The following LUZP2 variants were observed in gnomAD, a reference collection of about 807,000 sequenced individuals.
LUZP2 encodes leucine zipper protein 2.
LUZP2 carries 52 observed loss-of-function variants against 51.6 expected under a neutral mutation model. The ratio of observed to expected loss-of-function variants is 1.01; its 90% CI spans 0.81 to 1.27. The LOEUF (loss-of-function observed/expected upper bound fraction) is 1.27. LUZP2 is among the 50% of genes most tolerant of loss of function. LUZP2 has a pLI of 0.00. For synonymous variants in LUZP2, 154 were observed against 137.3 expected, an observed-to-expected ratio of 1.12 and a Z score of -0.85; for missense variants, 436 against 395.4, an observed-to-expected ratio of 1.10 and a Z score of -0.87.
intron 1 of LUZP2, among the ~76,000 whole-genome samples, chr11:24,638,811 G>A (rs541207033): frequency 5.3e-5 from 8 of 151,580 alleles, no homozygotes; most frequent in African/African-American, 1.9e-4. Context: ...TCTCAATATA[G>A]TATTAGGGAT....
chr11:25,033,573 A>G (rs1383701284), intron 9 of LUZP2, among the ~76,000 whole-genome samples: 1 of 151,958 alleles, frequency 6.6e-6, no homozygotes, highest in Non-Finnish European at 1.5e-5. Context: ...CAACCTTCTC[A>G]CATTCCTTCC....
At chr11:24,622,284 C>G (rs544540195) in intron 1 of LUZP2, among the ~76,000 whole-genome samples, 102 of 151,632 alleles carry the variant, frequency 6.7e-4, no homozygotes, top group African/African-American at 2.1e-3. Context: ...CCCTCTCCCC[C>G]CTCCCCACAA....
At chr11:24,792,166 T>A (rs1179593428) in intron 5 of LUZP2, among the ~76,000 whole-genome samples, 1 of 151,984 alleles carries the variant, frequency 6.6e-6, no homozygotes, top group Non-Finnish European at 1.5e-5. Context: ...CGGTGGTTCA[T>A]GTCTGTAATC....
At chr11:25,048,828 A>T (rs1000655782) in intron 9 of LUZP2, among the ~76,000 whole-genome samples, 10 of 151,024 alleles carry the variant, frequency 6.6e-5, no homozygotes, top group Admixed American at 3.3e-4. Flanking sequence ...TTATTTATTT[A>T]ATTAATTAAT....
chr11:24,708,106 A>G (rs1857668492), intron 1 of LUZP2, among the ~76,000 whole-genome samples: 1 of 152,160 alleles, frequency 6.6e-6, no homozygotes, highest in Admixed American at 6.5e-5. Flanking sequence ...TGTAGGGTGG[A>G]GCAGGTGATC....
chr11:24,652,849 C>T (rs10767228), intron 1 of LUZP2, among the ~76,000 whole-genome samples: 28,616 of 151,864 alleles, frequency 0.19, 3,082 homozygotes, highest in Admixed American at 0.29. Flanking sequence ...AGCAAATAAT[C>T]TAGTATCAGA....
chr11:24,773,142 G>C (rs1302760648), intron 5 of LUZP2, among the ~76,000 whole-genome samples: 2 of 151,116 alleles, frequency 1.3e-5, no homozygotes, highest in Non-Finnish European at 2.9e-5. Context: ...TCTATCAATG[G>C]AAGTATCCTA....
At chr11:24,968,218 C>T (rs1279466828) in intron 7 of LUZP2, among the ~76,000 whole-genome samples, 1 of 151,834 alleles carries the variant, frequency 6.6e-6, no homozygotes, top group Non-Finnish European at 1.5e-5. Context: ...TATTCTAGGG[C>T]AGGGATCAAA....
intron 9 of LUZP2, among the ~76,000 whole-genome samples, chr11:25,014,417 T>C (rs1440090788): frequency 3.3e-5 from 5 of 152,160 alleles, no homozygotes; most frequent in Non-Finnish European, 5.9e-5. Context: ...ACCTGTTGTT[T>C]CCTGACTTTT....
chr11:24,836,082 C>T (rs1850852508), intron 5 of LUZP2, among the ~76,000 whole-genome samples: 1 of 151,956 alleles, frequency 6.6e-6, no homozygotes. Context: ...GAAATTCTGA[C>T]TGTTTCACTT....
At chr11:25,018,901 T>G (rs1170804009) in intron 9 of LUZP2, among the ~76,000 whole-genome samples, 2 of 152,102 alleles carry the variant, frequency 1.3e-5, no homozygotes, top group African/African-American at 4.8e-5. Context: ...AGCCAATAAG[T>G]CCAGCCTTAT....
At chr11:24,800,433 C>G (rs1849664151) in intron 5 of LUZP2, among the ~76,000 whole-genome samples, 1 of 150,996 alleles carries the variant, frequency 6.6e-6, no homozygotes. Flanking sequence ...AGATGCAGGA[C>G]AACAGTCTGA....
chr11:25,021,971 C>G (rs775445670), intron 9 of LUZP2, among the ~76,000 whole-genome samples: 3 of 152,076 alleles, frequency 2.0e-5, no homozygotes, highest in Admixed American at 2.0e-4. Flanking sequence ...TTTTTCACCA[C>G]TCTTCATCCT....
chr11:24,973,864 A>G (rs1029540160), intron 7 of LUZP2, among the ~76,000 whole-genome samples: 1 of 150,946 alleles, frequency 6.6e-6, no homozygotes, highest in African/African-American at 2.5e-5. Flanking sequence ...TATGTGATCA[A>G]TTTTAGAGTA....
chr11:24,924,368 G>A (rs1460399772), intron 7 of LUZP2, among the ~76,000 whole-genome samples: 4 of 151,872 alleles, frequency 2.6e-5, no homozygotes, highest in Admixed American at 1.3e-4. Flanking sequence ...GTGAGCCACC[G>A]CACCCAGCCC....
intron 8 of LUZP2, among the ~76,000 whole-genome samples, chr11:24,977,461 A>C (rs1855910791): frequency 6.6e-6 from 1 of 151,658 alleles, no homozygotes; most frequent in African/African-American, 2.4e-5. Flanking sequence ...TCATGGATAC[A>C]ATTGCGTTTG....
intron 5 of LUZP2, among the ~76,000 whole-genome samples, chr11:24,901,098 C>G (rs1376263835): frequency 6.6e-6 from 1 of 152,038 alleles, no homozygotes; most frequent in Non-Finnish European, 1.5e-5. Context: ...AGAGCAACTG[C>G]AGGGATTTCT....
intron 5 of LUZP2, chr11:24,892,214 G>A (rs1418349453): frequency 7.1e-6 from 7 of 985,194 alleles, no homozygotes; most frequent in Non-Finnish European, 8.4e-6. Context: ...GAGGAAAAAT[G>A]TGTATTTCTC....
intron 9 of LUZP2, among the ~76,000 whole-genome samples, chr11:25,005,393 A>G (rs563368723): frequency 1.3e-5 from 2 of 152,256 alleles, no homozygotes; most frequent in East Asian, 1.9e-4. Flanking sequence ...TCTTACAGAA[A>G]AGGTCAAGCT....
Sources: gnomAD v4.1 joint callset for allele counts (sites outside exome capture counted in the v4.1 genomes callset) on GRCh38, gnomAD v4.1.1 for gene constraint, MANE v1.5 for transcripts, NCBI Gene and HGNC (gene_info 2026-07-23, HGNC 2026-07-21) for gene names.